DTNB: variants seen among roughly 807,000 people sequenced by gnomAD.
The protein encoded by DTNB is dystrobrevin beta, also known as DTN-B.
A neutral mutation model predicts 90.7 loss-of-function variants in DTNB; 63 were observed. The ratio of observed to expected loss-of-function variants is 0.69; its 90% CI spans 0.57 to 0.86. The LOEUF (loss-of-function observed/expected upper bound fraction) is 0.86, where lower values mean the gene tolerates loss of function less well. DTNB is among the 40% of genes least tolerant of loss of function. The pLI, the probability that DTNB is intolerant of heterozygous loss-of-function variation, is 0.00. For missense variants in DTNB, 744 were observed against 807.1 expected, an observed-to-expected ratio of 0.92 and a Z score of 0.95; for synonymous variants, 277 against 286.7, an observed-to-expected ratio of 0.97 and a Z score of 0.34.
At chr2:25,446,005 A>G (rs1321928939) in intron 12 of DTNB, among the ~76,000 whole-genome samples, 1 of 151,890 alleles carries the variant, frequency 6.6e-6, no homozygotes, top group African/African-American at 2.4e-5. Flanking sequence ...ATACATGCAA[A>G]GCACTTAGAA....
At chr2:25,537,830 G>A (rs1381285416) in intron 8 of DTNB, among the ~76,000 whole-genome samples, 1 of 152,166 alleles carries the variant, frequency 6.6e-6, no homozygotes, top group African/African-American at 2.4e-5. Context: ...GAGGGAGCGA[G>A]GACAGAAGAA....
At chr2:25,547,419 A>T (rs1222186665) in intron 8 of DTNB, among the ~76,000 whole-genome samples, 1 of 148,092 alleles carries the variant, frequency 6.8e-6, no homozygotes, top group African/African-American at 2.5e-5. Context: ...CCGCCTCCCG[A>T]TTCAAGGAAT....
At chr2:25,415,838 C>T (rs1054135936) in intron 16 of DTNB, among the ~76,000 whole-genome samples, 1 of 152,066 alleles carries the variant, frequency 6.6e-6, no homozygotes, top group Non-Finnish European at 1.5e-5. Flanking sequence ...TGGAACTTGC[C>T]CTATGTACAT....
At chr2:25,616,931 C>CAAAAA (rs70947896) in intron 4 of DTNB, among the ~76,000 whole-genome samples, 38 of 70,454 alleles carry the variant, frequency 5.4e-4, no homozygotes, top group East Asian at 1.3e-3. Context: ...GACCCCGTCT[C>CAAAAA]AAAAAAAAAA....
chr2:25,648,374 C>T (rs1358664980), intron 2 of DTNB, among the ~76,000 whole-genome samples: 3 of 152,058 alleles, frequency 2.0e-5, no homozygotes, highest in African/African-American at 4.8e-5. Flanking sequence ...CTAATTTCAT[C>T]GCTGTGTTCA....
At chr2:25,628,408 G>T in intron 3 of DTNB, 24 bp from the exon 4 acceptor site, 1 of 1,598,576 alleles carries the variant, frequency 6.3e-7, no homozygotes, top group South Asian at 1.1e-5. Flanking sequence ...AAAATAAACT[G>T]TCAACAATTT....
chr2:25,536,163 GCTC>G (rs755300301), intron 8 of DTNB, among the ~76,000 whole-genome samples: 215 of 150,956 alleles, frequency 1.4e-3, no homozygotes, highest in Admixed American at 2.7e-3. Context: ...ACGCAGAGAT[GCTC>G]CTCACTTCCT....
At chr2:25,485,169 T>TA (rs1380776218) in intron 9 of DTNB, among the ~76,000 whole-genome samples, 2 of 152,118 alleles carry the variant, frequency 1.3e-5, no homozygotes, top group Admixed American at 6.5e-5. Flanking sequence ...TATATATATA[T>TA]TTTTTAATTT....
intron 16 of DTNB, among the ~76,000 whole-genome samples, chr2:25,397,031 A>G (rs1239171539): frequency 6.6e-6 from 1 of 150,942 alleles, no homozygotes; most frequent in Non-Finnish European, 1.5e-5. Context: ...ACCAAATACC[A>G]CCCCCACACC....
intron 9 of DTNB, among the ~76,000 whole-genome samples, chr2:25,530,539 C>T (rs370834092): frequency 6.6e-6 from 1 of 152,108 alleles, no homozygotes; most frequent in African/African-American, 2.4e-5. Context: ...AGATTTAAAA[C>T]CCAAAGGACA....
intron 6 of DTNB, among the ~76,000 whole-genome samples, chr2:25,584,306 G>A (rs565654966): frequency 4.7e-4 from 71 of 152,194 alleles, no homozygotes; most frequent in Admixed American, 2.0e-3. Flanking sequence ...ATAGCTGTCC[G>A]GGGCCAAATT....
chr2:25,406,347 C>T (rs544404683), intron 16 of DTNB, among the ~76,000 whole-genome samples: 1 of 152,092 alleles, frequency 6.6e-6, no homozygotes, highest in South Asian at 2.1e-4. Flanking sequence ...GCCTGACCAA[C>T]ATGGAGAAAC....
chr2:25,549,411 T>C (rs2083125348), intron 8 of DTNB, among the ~76,000 whole-genome samples: 1 of 152,168 alleles, frequency 6.6e-6, no homozygotes, highest in South Asian at 2.1e-4. Flanking sequence ...ATCTAACTTG[T>C]CTAGTAGTCA....
chr2:25,485,849 C>T (rs960474713), intron 9 of DTNB, among the ~76,000 whole-genome samples: 3 of 152,054 alleles, frequency 2.0e-5, no homozygotes, highest in African/African-American at 7.2e-5. Context: ...GCTGGCCAGG[C>T]GCAGTGGCTC....
chr2:25,575,243 C>CA (rs962235111), intron 8 of DTNB, among the ~76,000 whole-genome samples: 120 of 139,796 alleles, frequency 8.6e-4, no homozygotes, highest in South Asian at 1.3e-3. Flanking sequence ...CACACACACA[C>CA]AAAAAAAAAA....
At chr2:25,502,700 G>A (rs1300565072) in intron 9 of DTNB, among the ~76,000 whole-genome samples, 3 of 151,632 alleles carry the variant, frequency 2.0e-5, no homozygotes, top group East Asian at 1.9e-4. Context: ...TGGCTAACAC[G>A]TTGAAACCCT....
At chr2:25,579,786 AT>A (rs938165404) in intron 7 of DTNB, among the ~76,000 whole-genome samples, 2 of 152,134 alleles carry the variant, frequency 1.3e-5, no homozygotes, top group African/African-American at 4.8e-5. Flanking sequence ...CAAAATAATT[AT>A]AGTTTTAGCA....
intron 10 of DTNB, among the ~76,000 whole-genome samples, chr2:25,466,326 CTA>C (rs1489521003): frequency 2.0e-5 from 3 of 152,146 alleles, no homozygotes; most frequent in Admixed American, 6.5e-5. Context: ...CAGAGCAAGA[CTA>C]TGTCTCAAAC....
At chr2:25,420,342 G>A (rs970880455) in intron 15 of DTNB, among the ~76,000 whole-genome samples, 5 of 143,352 alleles carry the variant, frequency 3.5e-5, no homozygotes, top group Admixed American at 2.9e-4. Flanking sequence ...ACTGTTTGGA[G>A]ACCCTGAAAG....
Sources: allele counts gnomAD v4.1 joint callset (sites outside exome capture counted in the v4.1 genomes callset), GRCh38; gene constraint gnomAD v4.1.1; transcripts MANE v1.5; gene names NCBI Gene and HGNC (gene_info 2026-07-23, HGNC 2026-07-21).